The following BRAF variants were observed in gnomAD, a reference collection of about 807,000 sequenced individuals.
BRAF encodes serine/threonine-protein kinase B-raf.
Under a neutral mutation model 104.6 loss-of-function variants are expected in BRAF, and 16 were observed. The observed-to-expected ratio is 0.15, with a 90% CI of 0.10 to 0.23. The LOEUF (loss-of-function observed/expected upper bound fraction) is 0.23. Ranked by LOEUF, BRAF falls within the 10% of genes least tolerant of loss-of-function variation. BRAF has a pLI of 1.00. For missense variants in BRAF, 541 were observed against 937.3 expected (o/e 0.58, Z 5.52); for synonymous variants, 310 against 341.6 (o/e 0.91, Z 1.02).
chr7:140,764,802 T>G (rs1011771806), intron 14 of BRAF, among the ~76,000 whole-genome samples: 2 of 151,878 alleles, frequency 1.3e-5, no homozygotes, highest in African/African-American at 4.8e-5. Context: ...TAAAAGAGGA[T>G]ACAAACAAAT....
At chr7:140,749,527 A>AAT in intron 16 of BRAF, 109 bp from the exon 16 acceptor site, 2 of 1,168,758 alleles carry the variant, frequency 1.7e-6, no homozygotes, top group Non-Finnish European at 2.5e-6. Flanking sequence ...ACACCTGTCT[A>AAT]ATATGTAATC....
At chr7:140,890,608 A>G (rs1814109540) in intron 1 of BRAF, among the ~76,000 whole-genome samples, 1 of 152,192 alleles carries the variant, frequency 6.6e-6, no homozygotes, top group Non-Finnish European at 1.5e-5. Flanking sequence ...GTCTCACTAA[A>G]TGACTTTTCA....
At chr7:140,842,696 T>C (rs1003140102) in intron 2 of BRAF, among the ~76,000 whole-genome samples, 10 of 152,206 alleles carry the variant, frequency 6.6e-5, no homozygotes, top group Non-Finnish European at 1.2e-4. Context: ...AAATTTATCT[T>C]TTCTTCCTTT....
chr7:140,760,620 G>T (rs912495531), intron 14 of BRAF, among the ~76,000 whole-genome samples: 2 of 151,674 alleles, frequency 1.3e-5, no homozygotes, highest in African/African-American at 4.8e-5. Context: ...GACCCCAAAA[G>T]TTTTTTTTAA....
intron 1 of BRAF, among the ~76,000 whole-genome samples, chr7:140,921,520 A>C (rs73502785): frequency 0.097 from 14,753 of 152,012 alleles, 772 homozygotes; most frequent in South Asian, 0.19. Context: ...CTAACACCCC[A>C]AAAAAATGAT....
chr7:140,825,936 T>C (rs532972943), intron 3 of BRAF, among the ~76,000 whole-genome samples: 2 of 152,306 alleles, frequency 1.3e-5, no homozygotes, highest in South Asian at 4.1e-4. Context: ...TTATGTCATT[T>C]GTAAATGTTA....
At chr7:140,907,719 T>C (rs1023310549) in intron 1 of BRAF, among the ~76,000 whole-genome samples, 3 of 150,622 alleles carry the variant, frequency 2.0e-5, no homozygotes, top group Admixed American at 1.3e-4. Flanking sequence ...TCCCAAAGTA[T>C]TGGGATTACA....
At position 140,734,602 on chromosome 7, in the gene BRAF, G is replaced by A. The variant is rs1317051737; in HGVS notation, c.2401+15C>T. On this transcript the variant is annotated intron_variant, in intron 19 of 19. Coordinates refer to ENST00000644969, the MANE Select transcript of BRAF (RefSeq NM_001374258.1). ...AACTCTCTCACTCATTTGTTTCAGT[G>A]GACAGGAAACGCACCATATCCCCCT... is the stretch of plus-strand genomic sequence containing the variant. 3 of 1,613,620 alleles carry A rather than the reference G, an allele frequency of 1.9e-6. No homozygotes were observed. The highest frequency in any genetic ancestry group is 1.7e-6 in the Non-Finnish European group (2 of 1,179,926).
intron 1 of BRAF, among the ~76,000 whole-genome samples, chr7:140,897,794 C>T (rs1179249027): frequency 6.6e-6 from 1 of 151,628 alleles, no homozygotes; most frequent in African/African-American, 2.4e-5. Context: ...GCCACCGCGC[C>T]CAGCCAGGAA....
intron 11 of BRAF, 147 bp downstream of exon 10, chr7:140,782,874 G>A: frequency 9.5e-7 from 1 of 1,048,544 alleles, no homozygotes; most frequent in South Asian, 1.7e-5. Flanking sequence ...TATGCTTTAA[G>A]CAAAAAACTA....
chr7:140,850,306 G>T (rs77590126), intron 1 of BRAF, 94 bp from the exon 2 acceptor site: 1 of 958,798 alleles, frequency 1.0e-6, no homozygotes, highest in Non-Finnish European at 1.6e-6. Flanking sequence ...GTAACTGCCA[G>T]TGTTCCTCAA....
At chr7:140,911,782 G>A (rs2129140179) in intron 1 of BRAF, among the ~76,000 whole-genome samples, 1 of 152,298 alleles carries the variant, frequency 6.6e-6, no homozygotes, top group East Asian at 1.9e-4. Context: ...GCAGTTACCA[G>A]ACCACTCCAA....
In BRAF at chr7:140,819,289, A is replaced by G. The variant is rs1225625177; in HGVS notation, c.505-10294T>C. ...ACAATCACACAAAAAGATGCTTCAC[A>G]TTACTAGTCATAAGGGAAATGCAAA... On this transcript the variant is annotated intron_variant, in intron 3 of 19. Coordinates refer to ENST00000644969, the MANE Select transcript of BRAF (RefSeq NM_001374258.1). Among the ~76,000 whole-genome samples the G allele has an allele frequency of 2.0e-5, 3 of 152,258 alleles. No homozygotes were observed. The East Asian group carries it at 5.8e-4, about 29-fold the overall frequency.
chr7:140,752,047 A>G (rs1797835756), intron 16 of BRAF, among the ~76,000 whole-genome samples: 1 of 152,180 alleles, frequency 6.6e-6, no homozygotes, highest in Non-Finnish European at 1.5e-5. Context: ...ATATCTGTGG[A>G]TGTTTACCAT....
intron 14 of BRAF, among the ~76,000 whole-genome samples, chr7:140,774,885 T>C (rs1800184913): frequency 1.3e-5 from 2 of 152,180 alleles, no homozygotes; most frequent in African/African-American, 4.8e-5. Context: ...CTATCAATAA[T>C]ATGCAGTTGT....
chr7:140,900,491 T>C (rs915844277), intron 1 of BRAF, among the ~76,000 whole-genome samples: 13 of 152,212 alleles, frequency 8.5e-5, no homozygotes, highest in African/African-American at 2.9e-4. Flanking sequence ...TCCCAACTAA[T>C]CTGCCACAAG....
chr7:140,775,335 A>C (rs973328707), intron 14 of BRAF, among the ~76,000 whole-genome samples: 1 of 151,870 alleles, frequency 6.6e-6, no homozygotes, highest in African/African-American at 2.4e-5. Flanking sequence ...TTTACTCTTC[A>C]CAAGATTTTA....
At chr7:140,740,163 G>T (rs1192263123) in intron 17 of BRAF, 3 of 535,812 alleles carry the variant, frequency 5.6e-6, no homozygotes, top group Admixed American at 3.2e-5. Context: ...TTGGACTGTG[G>T]CAAAGGTTCT....
chr7:140,863,998 T>C (rs898014054), intron 1 of BRAF, among the ~76,000 whole-genome samples: 1 of 152,214 alleles, frequency 6.6e-6, no homozygotes, highest in Non-Finnish European at 1.5e-5. Context: ...AAGTGTTAAG[T>C]ATATTGCTCA....
Sources: gnomAD v4.1 joint callset for allele counts (sites outside exome capture counted in the v4.1 genomes callset) on GRCh38, gnomAD v4.1.1 for gene constraint, MANE v1.5 for transcripts, NCBI Gene and HGNC (gene_info 2026-07-23, HGNC 2026-07-21) for gene names.